The following RPN1 variants were observed in gnomAD, a reference collection of about 807,000 sequenced individuals.
RPN1 encodes the protein ribophorin I, also known as dolichyl-diphosphooligosaccharide--protein glycosyltransferase subunit 1.
RPN1 carries 12 observed loss-of-function variants against 55.5 expected under a neutral mutation model. The ratio of observed to expected loss-of-function variants is 0.22; its 90% CI spans 0.14 to 0.35. The LOEUF is 0.35. RPN1 is among the 10% of genes least tolerant of loss of function. RPN1 has a pLI of 1.00. For synonymous variants in RPN1, 317 were observed against 305.9 expected (o/e 1.04, Z -0.38); for missense variants, 679 against 761.3 (o/e 0.89, Z 1.27).
rs766475655 is a variant in RPN1, at chr3:128,622,336, A to T, written c.1469T>A (p.Ile490Lys). ...CTCGTCAAAGTGACGGTAAAGGCCT[A>T]TTCTCTTGTTGACCAGGGTCAAGAC... ...EQVLTLVNKR[I>K]GLYRHFDETV... The change falls in exon 9 of 10, where the codon ATA (isoleucine) becomes AAA (lysine). Residue 490 changes from isoleucine to lysine, a missense_variant. Coordinates refer to ENST00000296255, the MANE Select transcript of RPN1 (RefSeq NM_002950.4). 6.2e-7 allele frequency: 1 copy of T among 1,614,206 alleles called. No individual in the cohort carries two copies. The highest frequency in any genetic ancestry group is 1.1e-5 in the South Asian group (1 of 91,086).
At chr3:128,637,107 G>A (rs953531356) in intron 3 of RPN1, among the ~76,000 whole-genome samples, 2 of 151,970 alleles carry the variant, frequency 1.3e-5, no homozygotes, top group East Asian at 1.9e-4. Context: ...GCATGGTGAC[G>A]CACACCTGTC....
intron 1 of RPN1, among the ~76,000 whole-genome samples, chr3:128,646,346 CGA>C (rs1293332264): frequency 6.6e-6 from 1 of 151,716 alleles, no homozygotes; most frequent in Non-Finnish European, 1.5e-5. Flanking sequence ...ATTACAGGCA[CGA>C]GATACCACGC....
In RPN1 at chr3:128,620,346, C is replaced by T. The variant is rs2069549756; in HGVS notation, c.*65G>A. The T allele has an allele frequency of 1.0e-5, 15 of 1,498,036 alleles. No individual in the cohort carries two copies. Among genetic ancestry groups the T allele is most frequent in the South Asian group, 9.0e-5 (7 of 77,528 alleles). 92.8% of individuals were successfully genotyped at this position (1,498,036 alleles called of 1,614,324 possible). On this transcript the variant is annotated 3_prime_UTR_variant, in exon 10 of 10. Coordinates refer to ENST00000296255, the MANE Select transcript of RPN1 (RefSeq NM_002950.4). ...GCCTCCATGCACAACCTCCCACTAC[C>T]ACCCAATCTGCCTGCCACAGCAAAG...
intron 8 of RPN1, among the ~76,000 whole-genome samples, chr3:128,623,631 G>A (rs1391537662): frequency 6.6e-6 from 1 of 152,148 alleles, no homozygotes; most frequent in East Asian, 1.9e-4. Flanking sequence ...GATGGCTTGA[G>A]CCCAGGAGTT....
At chr3:128,646,222 CA>C (rs397803037) in intron 1 of RPN1, among the ~76,000 whole-genome samples, 17,625 of 67,538 alleles carry the variant, frequency 0.26, 525 homozygotes, top group Non-Finnish European at 0.29. Flanking sequence ...GACTCCGTCT[CA>C]AAAAAAAAAA....
At chr3:128,637,283 G>A (rs1046154553) in intron 3 of RPN1, among the ~76,000 whole-genome samples, 1 of 152,010 alleles carries the variant, frequency 6.6e-6, no homozygotes, top group African/African-American at 2.4e-5. Context: ...GAAAAAAAGA[G>A]GTAGGTTAAT....
At chr3:128,635,714 C>CGT (rs1212042355) in intron 3 of RPN1, among the ~76,000 whole-genome samples, 1 of 146,906 alleles carries the variant, frequency 6.8e-6, no homozygotes, top group Non-Finnish European at 1.5e-5. Context: ...CACACACACA[C>CGT]ACGTGTATAT....
intron 6 of RPN1, 36 bp from the exon 7 acceptor site, chr3:128,626,048 C>T: frequency 6.4e-7 from 1 of 1,557,696 alleles, no homozygotes; most frequent in Non-Finnish European, 8.7e-7. Flanking sequence ...AGCCTCCAAC[C>T]AACTACATCA....
chr3:128,633,398 T>C (rs947958428), intron 3 of RPN1, among the ~76,000 whole-genome samples: 1 of 151,904 alleles, frequency 6.6e-6, no homozygotes, highest in African/African-American at 2.4e-5. Flanking sequence ...AGCTAATTTT[T>C]TGTATTTTTT....
chr3:128,644,691 G>A (rs1490845677), intron 2 of RPN1: 1 of 653,516 alleles, frequency 1.5e-6, no homozygotes, highest in Non-Finnish European at 2.8e-6. Context: ...AGATGCAGTG[G>A]TTCACACCTG....
chr3:128,650,558 C>A lies in RPN1; in HGVS notation c.243G>T (p.Leu81=). Residue 81 remains leucine, a synonymous_variant, in exon 1 of 10, where the codon CTG becomes CTT. Coordinates refer to ENST00000296255, the MANE Select transcript of RPN1 (RefSeq NM_002950.4). ...CACTCACCTGCACGCCCAGGTGCGC[C>A]AGCCGGGCCTCGAGCTCAGGCTCCA... ...LALEPELEAR[L]AHLGVQVKGE... 1 of 1,543,472 alleles carries A rather than the reference C, an allele frequency of 6.5e-7. No homozygotes were observed. The highest frequency in any genetic ancestry group is 8.7e-7 in the Non-Finnish European group (1 of 1,145,136).
At position 128,638,024 on chromosome 3, in the gene RPN1, G is replaced by C; in HGVS notation, c.408C>G (p.Thr136=). ...KISVIVETVY[T]HVLHPYPTQI... The stretch of plus-strand genomic sequence containing the variant: ...GGGTTGGATACGGATGAAGCACATG[G>C]GTGTAGACTGTTTCCACAATGACTG... Residue 136 remains threonine, a synonymous_variant, in exon 3 of 10, where the codon ACC becomes ACG. Coordinates refer to ENST00000296255, the MANE Select transcript of RPN1 (RefSeq NM_002950.4). 2 of 1,614,012 alleles carry C rather than the reference G, an allele frequency of 1.2e-6. No individual in the cohort carries two copies. The highest frequency in any genetic ancestry group is 1.7e-6 in the Non-Finnish European group (2 of 1,179,912).
chr3:128,620,894 C>T (rs1009598845), intron 9 of RPN1, among the ~76,000 whole-genome samples: 3 of 152,214 alleles, frequency 2.0e-5, no homozygotes, highest in Non-Finnish European at 4.4e-5. Context: ...TACTTGGCAG[C>T]ACCTATCATG....
At chr3:128,635,768 G>A (rs1576796289) in intron 3 of RPN1, among the ~76,000 whole-genome samples, 1 of 149,502 alleles carries the variant, frequency 6.7e-6, no homozygotes, top group East Asian at 2.0e-4. Context: ...ATATACGTGT[G>A]TGTATATATA....
intron 2 of RPN1, among the ~76,000 whole-genome samples, chr3:128,639,432 G>A (rs1211990359): frequency 5.7e-5 from 8 of 139,186 alleles, no homozygotes; most frequent in South Asian, 2.3e-4. Context: ...CCAGCCGGGC[G>A]ACAGAGCGAG....
chr3:128,627,029 A>C, intron 5 of RPN1, 197 bp from the exon 6 acceptor site: 1 of 571,582 alleles, frequency 1.7e-6, no homozygotes, highest in Non-Finnish European at 3.1e-6. Context: ...ATGGGGGTCA[A>C]AACACCGACA....
intron 1 of RPN1, among the ~76,000 whole-genome samples, chr3:128,645,362 C>A (rs1024965814): frequency 6.6e-6 from 1 of 151,710 alleles, no homozygotes. Flanking sequence ...CCCAGCTACT[C>A]GGGAGGCTGA....
At chr3:128,643,328 C>CA (rs112467322) in intron 2 of RPN1, among the ~76,000 whole-genome samples, 2,659 of 104,990 alleles carry the variant, frequency 0.025, 61 homozygotes, top group African/African-American at 0.077. Context: ...ACTCCATCTC[C>CA]AAAAAAAAAA....
rs779299093 is a variant in RPN1, at chr3:128,620,434, C to T, written c.1801G>A (p.Asp601Asn). Residue 601 changes from aspartate (D) to asparagine (N), a missense_variant, in exon 10 of 10, where the codon GAC (aspartate) becomes AAC (asparagine). Coordinates refer to ENST00000296255, the MANE Select transcript of RPN1 (RefSeq NM_002950.4). ...GKRQELVTKI[D>N]HILDAL ...GGCTACAGGGCATCCAGGATGTGGT[C>T]GATCTTGGTGACCAGCTCCTGGCGC... is the stretch of plus-strand genomic sequence containing the variant. The T allele has an allele frequency of 8.7e-6, 14 of 1,613,752 alleles. No homozygotes were observed. The highest frequency in any genetic ancestry group is 1.7e-4 in the Middle Eastern group (1 of 6,060).
Sources: allele counts gnomAD v4.1 joint callset (sites outside exome capture counted in the v4.1 genomes callset), GRCh38; gene constraint gnomAD v4.1.1; transcripts MANE v1.5; gene names NCBI Gene and HGNC (gene_info 2026-07-23, HGNC 2026-07-21).